CUX2: variants seen among roughly 807,000 people sequenced by gnomAD.
CUX2 encodes the protein homeobox protein cut-like 2.
CUX2 carries 40 observed loss-of-function variants against 144.8 expected under a neutral mutation model. That is an observed-to-expected ratio of 0.28 (90% confidence interval 0.21 to 0.36). CUX2 has a LOEUF of 0.36. Ranked by LOEUF, CUX2 falls within the 10% of genes least tolerant of loss-of-function variation. The pLI is 1.00. For synonymous variants in CUX2, 827 were observed against 875.6 expected (o/e 0.94, Z 0.98); for missense variants, 1,615 against 1,994.0 (o/e 0.81, Z 3.62).
intron 4 of CUX2, 75 bp from the exon 5 acceptor site, chr12:111,291,343 C>T: frequency 6.7e-7 from 1 of 1,497,484 alleles, no homozygotes; most frequent in Non-Finnish European, 8.9e-7. Flanking sequence ...TGGAACCTGC[C>T]AGGCCCTGCA....
At chr12:111,082,645 AG>A (rs1280680850) in intron 1 of CUX2, among the ~76,000 whole-genome samples, 1 of 152,168 alleles carries the variant, frequency 6.6e-6, no homozygotes, top group East Asian at 1.9e-4. Context: ...CTTTGAAACC[AG>A]ACAGAAACTT....
intron 3 of CUX2, among the ~76,000 whole-genome samples, chr12:111,259,323 G>T (rs1214866911): frequency 2.6e-5 from 4 of 151,878 alleles, no homozygotes; most frequent in African/African-American, 9.7e-5. Context: ...TTAGTCTCGC[G>T]GGCCACAAAG....
intron 1 of CUX2, among the ~76,000 whole-genome samples, chr12:111,106,184 G>A (rs1357132205): frequency 6.6e-6 from 1 of 152,038 alleles, no homozygotes; most frequent in Admixed American, 6.6e-5. Context: ...TAAGGATAGG[G>A]TTTTGCCATG....
chr12:111,268,958 CT>C (rs1165564469), intron 4 of CUX2, among the ~76,000 whole-genome samples: 1 of 152,186 alleles, frequency 6.6e-6, no homozygotes, highest in Non-Finnish European at 1.5e-5. Flanking sequence ...GGGGGCAGCG[CT>C]GAGATATGCG....
chr12:111,220,633 G>A (rs1881795722), intron 3 of CUX2, among the ~76,000 whole-genome samples: 1 of 150,972 alleles, frequency 6.6e-6, no homozygotes, highest in Non-Finnish European at 1.5e-5. Context: ...GAAGCCAGGT[G>A]CAGTCACTCA....
intron 4 of CUX2, among the ~76,000 whole-genome samples, chr12:111,279,906 C>T (rs536947442): frequency 4.9e-4 from 75 of 152,324 alleles, no homozygotes; most frequent in East Asian, 7.7e-4. Flanking sequence ...CACTTGAACC[C>T]GGGAAGTGGA....
At chr12:111,314,616 C>T (rs951909120) in intron 16 of CUX2, among the ~76,000 whole-genome samples, 9 of 134,152 alleles carry the variant, frequency 6.7e-5, no homozygotes, top group African/African-American at 1.4e-4. Context: ...CTCCAGCCTG[C>T]GCAACAAGAG....
chr12:111,320,643 C>T lies in CUX2; in HGVS notation c.2634C>T (p.Pro878=). 1.3e-6 allele frequency: 2 copies of T among 1,595,928 alleles called. No individual in the cohort carries two copies. Among genetic ancestry groups the T allele is most frequent in the Non-Finnish European group, 1.7e-6 (2 of 1,178,710 alleles). ...CCTACGTGCCGCGCACCCTGAAGCCCACCGTGCCGCCGCTGACCCCCGAGC... is the reference window on the plus strand; with the variant it reads ...CCTACGTGCCGCGCACCCTGAAGCCTACCGTGCCGCCGCTGACCCCCGAGC... ...YPAYVPRTLK[P]TVPPLTPEQY... The change falls in exon 17 of 22, where the codon CCC becomes CCT. Residue 878 remains proline, a synonymous_variant. Transcript: ENST00000261726. The surrounding 1 kb of genome is among the most constrained non-coding windows in gnomAD (Gnocchi z 8.1).
At chr12:111,036,066 G>C (rs535045390) in intron 1 of CUX2, among the ~76,000 whole-genome samples, 26 of 152,288 alleles carry the variant, frequency 1.7e-4, no homozygotes, top group Admixed American at 3.3e-4. Context: ...GGCACGGCTG[G>C]GGGACAGCGT....
Position 111,348,441 on chromosome 12 carries a change from C to T in CUX2, c.*116C>T. The T allele has an allele frequency of 2.1e-6, 2 of 973,512 alleles. No individual in the cohort carries two copies. The highest frequency in any genetic ancestry group is 5.0e-5 in the East Asian group (2 of 39,900). The allele number at this position is 973,512 out of a possible 1,614,324, so 60.3% of individuals were successfully genotyped here. A position where few individuals can be genotyped will look rare whatever the true frequency, so the allele number is the denominator to read the frequency against. Reference sequence around the variant, plus strand: ...AACTCAACCATCAAAATGTGGACAGCAATGTTATGCCGTTTACGTTTTTTG... The same window carrying T: ...AACTCAACCATCAAAATGTGGACAGTAATGTTATGCCGTTTACGTTTTTTG... On this transcript the variant is annotated 3_prime_UTR_variant, in exon 22 of 22. Coordinates refer to ENST00000261726, the MANE Select transcript of CUX2 (RefSeq NM_015267.4).
intron 3 of CUX2, among the ~76,000 whole-genome samples, chr12:111,240,104 T>C (rs753516796): frequency 1.3e-5 from 2 of 152,242 alleles, no homozygotes; most frequent in Non-Finnish European, 2.9e-5. Flanking sequence ...TTCTCGCCAC[T>C]TTACAGATGA....
At chr12:111,164,183 G>A (rs1167287905) in intron 1 of CUX2, among the ~76,000 whole-genome samples, 1 of 152,118 alleles carries the variant, frequency 6.6e-6, no homozygotes, top group Non-Finnish European at 1.5e-5. Flanking sequence ...CAAAATGGAG[G>A]GAATTGTCAG....
At chr12:111,168,078 C>T (rs927049099) in intron 1 of CUX2, among the ~76,000 whole-genome samples, 2 of 152,142 alleles carry the variant, frequency 1.3e-5, no homozygotes, top group African/African-American at 4.8e-5. Flanking sequence ...AAGATTTGAA[C>T]TCAAGCCAGT....
rs577968235 is a variant in CUX2 at position 111,245,375 on chromosome 12, C to CA, written c.223-18375dup. Among the ~76,000 whole-genome samples the CA allele has an allele frequency of 4.1e-4, 60 of 147,764 alleles. 1 individual carries two copies. Among genetic ancestry groups the CA allele is most frequent in the Admixed American group, 2.4e-3 (36 of 14,834 alleles). ...ACATAGTGAGACCCCCATCTCTACC[C>CA]AAAAAAAAAAATTTTTTTTTACTTT... On this transcript the variant is annotated intron_variant, in intron 3 of 21. Transcript: ENST00000261726.
chr12:111,291,395 C>A (rs1344665577), intron 4 of CUX2, 23 bp from the exon 5 acceptor site: 1 of 1,582,454 alleles, frequency 6.3e-7, no homozygotes, highest in South Asian at 1.2e-5. Context: ...CCTCACTATC[C>A]CTGTCTTTCT....
At chr12:111,314,671 C>G (rs1434224294) in intron 16 of CUX2, among the ~76,000 whole-genome samples, 2 of 126,108 alleles carry the variant, frequency 1.6e-5, no homozygotes, top group African/African-American at 3.2e-5. Context: ...AAAAAAAACC[C>G]CATCTCCTCT....
chr12:111,105,999 G>A (rs1477239148), intron 1 of CUX2, among the ~76,000 whole-genome samples: 1 of 151,712 alleles, frequency 6.6e-6, no homozygotes, highest in Non-Finnish European at 1.5e-5. Context: ...TGAGTAGCTG[G>A]GACTACAGGC....
Position 111,347,822 on chromosome 12 carries a change from G to A in CUX2, c.3958G>A (p.Glu1320Lys), listed in dbSNP as rs772238149. Residue 1320 changes from glutamate (E) to lysine (K), a missense_variant, in exon 22 of 22, where the codon GAG becomes AAG. Around this residue, in one of 12 missense-constraint regions of CUX2, gnomAD observed 298 missense variants for 330.4 expected, o/e 0.90. Transcript: ENST00000261726. ...EAGSQPQDSG[E>K]LDKGQGPPKE... ...AGGCAGCCAGCCCCAGGACTCAGGG[G>A]AGCTGGACAAAGGCCAAGGTCCCCC... The A allele has an allele frequency of 9.3e-6, 15 of 1,614,086 alleles. No homozygotes were observed. The Admixed American group carries it at 1.0e-4, about 11-fold the overall frequency.
At chr12:111,097,241 G>C (rs1165194410) in intron 1 of CUX2, among the ~76,000 whole-genome samples, 1 of 152,188 alleles carries the variant, frequency 6.6e-6, no homozygotes, top group African/African-American at 2.4e-5. Context: ...AGACCACCAG[G>C]TGTGGCCTTG....
Sources: allele counts gnomAD v4.1 joint callset (sites outside exome capture counted in the v4.1 genomes callset), GRCh38; gene constraint gnomAD v4.1.1; regional missense constraint gnomAD v4.1.1; non-coding constraint Gnocchi (gnomAD v3.1); transcripts MANE v1.5; gene names NCBI Gene and HGNC (gene_info 2026-07-23, HGNC 2026-07-21).